The following STK3 variants were observed in gnomAD, a reference collection of about 807,000 sequenced individuals.
The protein encoded by STK3 is serine/threonine-protein kinase 3.
In STK3, 41 loss-of-function variants were observed where a neutral mutation model predicts 58.0. The observed-to-expected ratio is 0.71, with a 90% CI of 0.55 to 0.92. The LOEUF (loss-of-function observed/expected upper bound fraction) is 0.92, where lower values mean the gene tolerates loss of function less well. Ranked by LOEUF, STK3 falls within the 40% of genes least tolerant of loss-of-function variation. The pLI is 0.00. For synonymous variants in STK3, 170 were observed against 191.0 expected (o/e 0.89, Z 0.91); for missense variants, 479 against 602.7 (o/e 0.79, Z 2.15).
At chr8:98,509,406 C>T (rs1261165397) in intron 10 of STK3, among the ~76,000 whole-genome samples, 2 of 151,946 alleles carry the variant, frequency 1.3e-5, no homozygotes, top group Non-Finnish European at 2.9e-5. Flanking sequence ...AATACTTAGG[C>T]TGTTTTATAT....
chr8:98,406,718 C>T (rs1817997828), intron 3 of STK3, among the ~76,000 whole-genome samples: 1 of 152,226 alleles, frequency 6.6e-6, no homozygotes, highest in African/African-American at 2.4e-5. Context: ...CTTATCTGCG[C>T]CTACCACAGA....
At chr8:98,839,385 G>C (rs1162251772) in intron 3 of STK3, among the ~76,000 whole-genome samples, 1 of 152,160 alleles carries the variant, frequency 6.6e-6, no homozygotes, top group Admixed American at 6.5e-5. Flanking sequence ...GGAGAGATAA[G>C]AAATGAAGGA....
At chr8:98,662,706 G>C (rs1822051774) in intron 6 of STK3, among the ~76,000 whole-genome samples, 1 of 151,136 alleles carries the variant, frequency 6.6e-6, no homozygotes, top group African/African-American at 2.4e-5. Context: ...TTAAGTTTTA[G>C]GGTACATGTG....
chr8:98,617,864 A>T (rs1209109425), intron 6 of STK3, among the ~76,000 whole-genome samples: 2 of 152,186 alleles, frequency 1.3e-5, no homozygotes, highest in Admixed American at 6.6e-5. Flanking sequence ...ATGGATTCAC[A>T]GCCGAATTCT....
chr8:98,702,074 C>T (rs1032491946), intron 6 of STK3, among the ~76,000 whole-genome samples: 2 of 152,108 alleles, frequency 1.3e-5, no homozygotes, highest in African/African-American at 2.4e-5. Flanking sequence ...AGTGAAGATT[C>T]GGTTTACATA....
At chr8:98,682,641 AAT>A (rs771321741) in intron 6 of STK3, among the ~76,000 whole-genome samples, 22 of 152,198 alleles carry the variant, frequency 1.4e-4, no homozygotes, top group Non-Finnish European at 2.9e-4. Flanking sequence ...ATCTGTAATT[AAT>A]ATAGTCTTCT....
chr8:98,790,329 G>T (rs995430533), intron 1 of STK3, among the ~76,000 whole-genome samples: 1 of 152,276 alleles, frequency 6.6e-6, no homozygotes, highest in East Asian at 1.9e-4. Context: ...AATCCACCAT[G>T]ATCAAGTGGG....
intron 4 of STK3, among the ~76,000 whole-genome samples, chr8:98,727,400 T>G (rs570695742): frequency 1.3e-5 from 2 of 152,306 alleles, no homozygotes; most frequent in East Asian, 3.8e-4. Context: ...AATCAAGCCA[T>G]GCACAAACTA....
chr8:98,519,955 T>C (rs1825226856), intron 10 of STK3, among the ~76,000 whole-genome samples: 1 of 152,122 alleles, frequency 6.6e-6, no homozygotes, highest in Non-Finnish European at 1.5e-5. Context: ...TTGGAACCAA[T>C]GTAGTGGGTT....
At chr8:98,631,661 T>C (rs1378836612) in intron 6 of STK3, among the ~76,000 whole-genome samples, 1 of 80,728 alleles carries the variant, frequency 1.2e-5, no homozygotes, top group Non-Finnish European at 2.9e-5. Context: ...ATAGTTTTCG[T>C]TTTTTTGTGT....
At chr8:98,798,037 T>C (rs1833291367) in intron 1 of STK3, among the ~76,000 whole-genome samples, 1 of 152,314 alleles carries the variant, frequency 6.6e-6, no homozygotes, top group South Asian at 2.1e-4. Context: ...TTGACAATTG[T>C]GCCTTAGAAA....
chr8:98,714,752 T>G (rs75902959), intron 4 of STK3, among the ~76,000 whole-genome samples: 5 of 152,150 alleles, frequency 3.3e-5, no homozygotes, highest in African/African-American at 1.2e-4. Flanking sequence ...AAGCTACCAA[T>G]GACTTTCTTC....
chr8:98,697,285 T>C (rs1181081881), intron 6 of STK3, among the ~76,000 whole-genome samples: 4 of 152,234 alleles, frequency 2.6e-5, no homozygotes, highest in Admixed American at 1.3e-4. Context: ...TCTATCAATT[T>C]TGTTGATCCT....
chr8:98,641,512 C>T (rs1820012929), intron 6 of STK3, among the ~76,000 whole-genome samples: 1 of 152,148 alleles, frequency 6.6e-6, no homozygotes, highest in Admixed American at 6.5e-5. Flanking sequence ...ATGGGCCAAG[C>T]ACTGTTCTAG....
chr8:98,905,537 C>G, intron 1 of STK3: 1 of 1,050,180 alleles, frequency 9.5e-7, no homozygotes, highest in South Asian at 1.3e-5. Flanking sequence ...CAGCCGCCGT[C>G]TTGTCTTCTA....
At chr8:98,853,520 A>C (rs1055485597) in intron 3 of STK3, among the ~76,000 whole-genome samples, 8 of 152,114 alleles carry the variant, frequency 5.3e-5, no homozygotes, top group Non-Finnish European at 1.2e-4. Flanking sequence ...CTAGTTTCCC[A>C]CTGGCTCTAT....
chr8:98,532,185 AT>A (rs1826210654), intron 9 of STK3, among the ~76,000 whole-genome samples: 1 of 152,146 alleles, frequency 6.6e-6, no homozygotes, highest in Non-Finnish European at 1.5e-5. Flanking sequence ...AAGTTTAATC[AT>A]TTCTAGCTTT....
intron 2 of STK3, among the ~76,000 whole-genome samples, chr8:98,772,463 C>G (rs1420528680): frequency 6.6e-6 from 1 of 152,016 alleles, no homozygotes; most frequent in African/African-American, 2.4e-5. Flanking sequence ...CTTTGGGAGG[C>G]CGAGGTGGGA....
chr8:98,407,753 TGTGTGCGC>T (rs748984857), intron 3 of STK3, among the ~76,000 whole-genome samples: 14 of 111,056 alleles, frequency 1.3e-4, no homozygotes, highest in South Asian at 6.1e-4. Flanking sequence ...TGTGTGTGTG[TGTGTGCGC>T]GCGCGCGCGC....
Sources: gnomAD v4.1 joint callset for allele counts (sites outside exome capture counted in the v4.1 genomes callset) on GRCh38, gnomAD v4.1.1 for gene constraint, MANE v1.5 for transcripts, NCBI Gene and HGNC (gene_info 2026-07-23, HGNC 2026-07-21) for gene names.